Variants in TPRG1 observed in about 807,000 individuals in gnomAD.
TPRG1 encodes tumor protein p63 regulated 1.
Under a neutral mutation model 29.3 loss-of-function variants are expected in TPRG1, and 29 were observed. That is an observed-to-expected ratio of 0.99 (90% CI 0.74 to 1.35). TPRG1 has a LOEUF of 1.35. Ranked by LOEUF, TPRG1 falls within the 40% of genes most tolerant of loss-of-function variation. TPRG1 has a pLI of 0.00. For synonymous variants in TPRG1, 130 were observed against 116.8 expected, an observed-to-expected ratio of 1.11 and a Z score of -0.73; for missense variants, 327 against 335.0, an observed-to-expected ratio of 0.98 and a Z score of 0.19.
chr3:189,194,631 G>C (rs933460825), intron 1 of TPRG1, among the ~76,000 whole-genome samples: 1 of 152,170 alleles, frequency 6.6e-6, no homozygotes. Context: ...CACATCTGTG[G>C]GGAAAAGGGA....
chr3:189,069,433 T>C (rs1716674487), intron 4 of TPRG1, among the ~76,000 whole-genome samples: 1 of 152,200 alleles, frequency 6.6e-6, no homozygotes, highest in Admixed American at 6.5e-5. Context: ...GTATCTTGAC[T>C]GTATCAATGT....
At chr3:189,226,713 G>C (rs1195014892) in intron 3 of TPRG1, among the ~76,000 whole-genome samples, 1 of 132,924 alleles carries the variant, frequency 7.5e-6, no homozygotes, top group Non-Finnish European at 1.6e-5. Context: ...AAAAAAAACC[G>C]AAAGAACTAT....
Position 189,215,364 on chromosome 3 carries a change from G to A in TPRG1, c.283G>A (p.Gly95Ser), listed in dbSNP as rs1455458663. ...VAETSGETIQGFWLLTKIDHW... is the reference protein window; with the variant it reads ...VAETSGETIQSFWLLTKIDHW... ...TGAGACTTCTGGAGAGACCATTCAA[G>A]GCTTCTGGCTCTTGACAAAGTGAGT... The change falls in exon 3 of 6, where the codon GGC becomes AGC. Residue 95 changes from glycine (G) to serine (S), a missense_variant. Coordinates refer to ENST00000345063, the MANE Select transcript of TPRG1 (RefSeq NM_198485.4). 6.2e-7 allele frequency: 1 copy of A among 1,611,676 alleles called. No individual in the cohort carries two copies. Among genetic ancestry groups the A allele is most frequent in the African/African-American group, 1.3e-5 (1 of 74,758 alleles).
rs1175333060 is a variant in TPRG1 at position 189,321,877 on chromosome 3, G to A, written c.*1057G>A. The A allele has an allele frequency of 1.3e-5, 2 of 152,108 alleles. No homozygotes were observed. The highest frequency in any genetic ancestry group is 2.9e-5 in the Non-Finnish European group (2 of 67,990). 9.4% of individuals were successfully genotyped at this position (152,108 alleles called of 1,614,324 possible). ...GCCTCAGAGGTGCTGCATATGGAAT[G>A]TCCATGGATCGCAGAGGGTTTTGAA... On this transcript the variant is annotated 3_prime_UTR_variant, in exon 6 of 6. Transcript: ENST00000345063.
At chr3:189,305,996 C>T (rs189803407) in intron 4 of TPRG1, among the ~76,000 whole-genome samples, 2 of 152,156 alleles carry the variant, frequency 1.3e-5, no homozygotes, top group Non-Finnish European at 2.9e-5. Flanking sequence ...AATAAGTGAT[C>T]CTCTATTTCT....
chr3:189,058,386 A>G (rs573787209), intron 4 of TPRG1, among the ~76,000 whole-genome samples: 1 of 152,286 alleles, frequency 6.6e-6, no homozygotes, highest in East Asian at 1.9e-4. Context: ...AGTCTCCACA[A>G]TTGTAGTTTG....
At chr3:189,267,481 ATTG>A (rs1714310416) in intron 4 of TPRG1, 1 of 152,228 alleles carries the variant, frequency 6.6e-6, no homozygotes, top group African/African-American at 2.4e-5. Flanking sequence ...TAAGCAACAT[ATTG>A]TGAGAGCATA....
chr3:189,188,214 C>A (rs1035723152), intron 1 of TPRG1, among the ~76,000 whole-genome samples: 3 of 152,148 alleles, frequency 2.0e-5, no homozygotes, highest in Non-Finnish European at 4.4e-5. Flanking sequence ...AAAATTCATT[C>A]GAGAGTTAAC....
At chr3:189,021,843 A>T (rs1389669496) in intron 3 of TPRG1, among the ~76,000 whole-genome samples, 1 of 152,080 alleles carries the variant, frequency 6.6e-6, no homozygotes, top group Non-Finnish European at 1.5e-5. Flanking sequence ...ACTTGGTTCC[A>T]TTCTCCCCAT....
intron 5 of TPRG1, among the ~76,000 whole-genome samples, chr3:189,160,078 A>G (rs1480410705): frequency 6.6e-6 from 1 of 152,130 alleles, no homozygotes; most frequent in East Asian, 1.9e-4. Flanking sequence ...CGAATGCTAA[A>G]GAGAAAGTAG....
intron 1 of TPRG1, among the ~76,000 whole-genome samples, chr3:189,191,253 G>T (rs906476976): frequency 6.6e-6 from 1 of 152,096 alleles, no homozygotes; most frequent in African/African-American, 2.4e-5. Context: ...TTATCTAACT[G>T]CCTTCAGCAA....
chr3:189,113,128 C>T (rs957842275), intron 1 of TPRG1, among the ~76,000 whole-genome samples: 283 of 152,208 alleles, frequency 1.9e-3, no homozygotes, highest in African/African-American at 6.0e-3. Context: ...ATTTTATTCT[C>T]TTTGAAGCAA....
chr3:189,066,635 T>TAA (rs111327390), intron 4 of TPRG1, among the ~76,000 whole-genome samples: 4 of 141,790 alleles, frequency 2.8e-5, no homozygotes, highest in Non-Finnish European at 3.1e-5. Flanking sequence ...ATAAAAACCT[T>TAA]AAAAAAAAAA....
chr3:189,118,832 G>A (rs575770816), intron 1 of TPRG1, among the ~76,000 whole-genome samples: 40 of 152,358 alleles, frequency 2.6e-4, no homozygotes, highest in African/African-American at 8.9e-4. Context: ...CTAGGCAGAA[G>A]TCTGCGCAGA....
intron 5 of TPRG1, among the ~76,000 whole-genome samples, chr3:189,163,797 G>T (rs1360740604): frequency 6.6e-6 from 1 of 152,126 alleles, no homozygotes; most frequent in Admixed American, 6.5e-5. Flanking sequence ...GAGTTGCCGG[G>T]GTTGGGCTGG....
intron 1 of TPRG1, among the ~76,000 whole-genome samples, chr3:188,997,312 T>C (rs1161118588): frequency 6.6e-6 from 1 of 152,174 alleles, no homozygotes; most frequent in African/African-American, 2.4e-5. Flanking sequence ...AAGCATCCAT[T>C]CTATTGCCTT....
At chr3:189,219,788 A>T in intron 3 of TPRG1, 1 of 1,085,768 alleles carries the variant, frequency 9.2e-7, no homozygotes, top group Non-Finnish European at 1.1e-6. Context: ...CTTATTCCTC[A>T]TTGAGAGTAG....
chr3:189,206,043 C>CCTTT (rs1734281921), intron 1 of TPRG1, among the ~76,000 whole-genome samples: 1 of 149,682 alleles, frequency 6.7e-6, no homozygotes, highest in Non-Finnish European at 1.5e-5. Flanking sequence ...TTCCTTCCTT[C>CCTTT]CTTTCTTCTG....
intron 1 of TPRG1, among the ~76,000 whole-genome samples, chr3:189,199,078 G>T (rs1733027394): frequency 6.6e-6 from 1 of 152,184 alleles, no homozygotes; most frequent in Non-Finnish European, 1.5e-5. Flanking sequence ...GACTGGGTGA[G>T]ATGCCCAGCT....
Sources: gnomAD v4.1 joint callset for allele counts (sites outside exome capture counted in the v4.1 genomes callset) on GRCh38, gnomAD v4.1.1 for gene constraint, MANE v1.5 for transcripts, NCBI Gene and HGNC (gene_info 2026-07-23, HGNC 2026-07-21) for gene names.